DHX35: variants seen among roughly 807,000 people sequenced by gnomAD.
DHX35 encodes probable ATP-dependent RNA helicase DHX35.
In DHX35, 84 loss-of-function variants were observed where a neutral mutation model predicts 99.6. That is an observed-to-expected ratio of 0.84 (90% CI 0.71 to 1.01). DHX35 has a LOEUF of 1.01. Among genes scored for constraint, DHX35 ranks in the 50% least tolerant of loss-of-function variants. The pLI is 0.00. For missense variants in DHX35, 852 were observed against 888.5 expected (o/e 0.96, Z 0.52); for synonymous variants, 331 against 316.2 (o/e 1.05, Z -0.50).
At position 39,039,524 on chromosome 20, in the gene DHX35, C is replaced by T. The variant is rs2087212418; in HGVS notation, c.*981C>T. 1.3e-5 allele frequency: 2 copies of T among 152,264 alleles called. No individual in the cohort carries two copies. Among genetic ancestry groups the T allele is most frequent in the African/African-American group, 4.8e-5 (2 of 41,418 alleles). 9.4% of individuals were successfully genotyped at this position (152,264 alleles called of 1,614,324 possible). ...CATGCCAGATGCAGATTTTTTCCCC[C>T]TTACTGTTTCAATGACCTTTATTTT... On this transcript the variant is annotated 3_prime_UTR_variant, in exon 22 of 22. Transcript: ENST00000252011.
chr20:38,971,994 G>GTTTTTTTTT lies in DHX35; in HGVS notation c.175-561_175-560insTTTTTTTTT, dbSNP rs1568714388. ...ATGTCTATAATTTCTTGTTTTTTTT[G>GTTTTTTTTT]TTTTGTTTTGTTTTTTTTTTTTTTT... On this transcript the variant is annotated intron_variant, in intron 2 of 21. Transcript: ENST00000252011. Among the ~76,000 whole-genome samples the GTTTTTTTTT allele has an allele frequency of 2.7e-3, 300 of 112,034 alleles. 9 individuals are homozygous for GTTTTTTTTT. Among genetic ancestry groups the GTTTTTTTTT allele is most frequent in the Middle Eastern group, 5.2e-3 (1 of 192 alleles). The allele number at this position is 112,034 out of a possible 152,430, so 73.5% of individuals were successfully genotyped here. A position where few individuals can be genotyped will look rare whatever the true frequency, so the allele number is the denominator to read the frequency against.
intron 15 of DHX35, among the ~76,000 whole-genome samples, chr20:39,021,639 G>A (rs1016218445): frequency 6.6e-6 from 1 of 152,070 alleles, no homozygotes; most frequent in South Asian, 2.1e-4. Context: ...ATACCACCAT[G>A]CCTGGCTAAT....
chr20:38,995,127 A>T (rs1386537057), intron 8 of DHX35, among the ~76,000 whole-genome samples: 1 of 152,072 alleles, frequency 6.6e-6, no homozygotes, highest in African/African-American at 2.4e-5. Flanking sequence ...CTTTCTCCCC[A>T]CTTACACAGC....
chr20:39,018,463 C>T (rs2086821277), intron 14 of DHX35, among the ~76,000 whole-genome samples: 1 of 151,884 alleles, frequency 6.6e-6, no homozygotes, highest in East Asian at 1.9e-4. Context: ...GAAGAGTGGT[C>T]TCTTCGGAGT....
chr20:39,009,141 C>T (rs532990299), intron 12 of DHX35, among the ~76,000 whole-genome samples: 8 of 152,290 alleles, frequency 5.3e-5, no homozygotes, highest in Non-Finnish European at 8.8e-5. Flanking sequence ...AGCTTTTCAG[C>T]AGGGTGGTCC....
rs186618416 is a variant in DHX35, at chr20:39,010,781, A to G, written c.1347+377A>G. Among the ~76,000 whole-genome samples, 42 of 152,290 alleles carry G rather than the reference A, an allele frequency of 2.8e-4. 2 individuals are homozygous for G. The East Asian group carries it at 3.7e-3, about 13-fold the overall frequency. ...GGACAGCTAGTCTTTGTAGAGGCCT[A>G]GATGCAGGAGTACCATGATTGGGGG... On this transcript the variant is annotated intron_variant, in intron 13 of 21. Coordinates refer to ENST00000252011, the MANE Select transcript of DHX35 (RefSeq NM_021931.4).
At chr20:38,978,534 G>A in intron 3 of DHX35, 1 of 325,206 alleles carries the variant, frequency 3.1e-6, no homozygotes, top group South Asian at 4.1e-5. Context: ...ATTTTAAATT[G>A]GATTTTTAGT....
chr20:38,962,651 G>A, intron 1 of DHX35: 3 of 537,100 alleles, frequency 5.6e-6, no homozygotes, highest in Non-Finnish European at 9.9e-6. Flanking sequence ...GCCTCCTCAG[G>A]CCTCGTCTTC....
chr20:39,021,838 C>T lies in DHX35; in HGVS notation c.1499-3C>T. 6.2e-7 allele frequency: 1 copy of T among 1,613,990 alleles called. No individual in the cohort carries two copies. The highest frequency in any genetic ancestry group is 1.7e-5 in the Admixed American group (1 of 59,996). ...GAAACCAAACATGCTTTTTGTTTTA[C>T]AGGAAACTTCGGCTGTTCTCAGGAA... is the stretch of plus-strand genomic sequence containing the variant. On this transcript the variant is annotated splice_polypyrimidine_tract_variant and splice_region_variant and intron_variant, in intron 15 of 21. Transcript: ENST00000252011.
At chr20:38,993,680 C>CT (rs2086376613) in intron 7 of DHX35, among the ~76,000 whole-genome samples, 1 of 130,656 alleles carries the variant, frequency 7.7e-6, no homozygotes, top group African/African-American at 3.0e-5. Context: ...GGCTATTTTT[C>CT]TTTTCTTTTT....
chr20:38,965,110 AG>A (rs2085892264), intron 1 of DHX35, among the ~76,000 whole-genome samples: 1 of 152,216 alleles, frequency 6.6e-6, no homozygotes, highest in South Asian at 2.1e-4. Context: ...TGTTTTTTAA[AG>A]TCTCTAAGGA....
At chr20:39,012,209 A>G (rs2086713493) in intron 13 of DHX35, among the ~76,000 whole-genome samples, 1 of 152,154 alleles carries the variant, frequency 6.6e-6, no homozygotes, top group Non-Finnish European at 1.5e-5. Flanking sequence ...AGATTGTGCC[A>G]CTGCACTCCA....
At position 39,035,642 on chromosome 20, in the gene DHX35, C is replaced by T. The variant is rs542186037; in HGVS notation, c.2067+1325C>T. Among the ~76,000 whole-genome samples the T allele has an allele frequency of 1.7e-3, 252 of 152,264 alleles. 1 individual carries two copies. Among genetic ancestry groups the T allele is most frequent in the African/African-American group, 5.9e-3 (244 of 41,544 alleles). ...TGGCAACACTAGGCTTGCGTTCCTACGTGGTGGCATCACAGGGGCTTAGGG... is the reference window on the plus strand; with the variant it reads ...TGGCAACACTAGGCTTGCGTTCCTATGTGGTGGCATCACAGGGGCTTAGGG... On this transcript the variant is annotated intron_variant, in intron 21 of 21. Coordinates refer to ENST00000252011, the MANE Select transcript of DHX35 (RefSeq NM_021931.4).
In DHX35 at chr20:38,972,686, G is replaced by T. The variant is rs766918471; in HGVS notation, c.267+35G>T. The T allele has an allele frequency of 2.1e-6, 3 of 1,447,078 alleles. No homozygotes were observed. The Middle Eastern group carries it at 5.3e-4, about 254-fold the overall frequency. 89.6% of individuals were successfully genotyped at this position (1,447,078 alleles called of 1,614,324 possible). ...TATTTAATAAGTGTCTTTACACTTC[G>T]ATTTGGCTGGAAGAATTTTGTAACT... On this transcript the variant is annotated intron_variant, in intron 3 of 21. Transcript: ENST00000252011.
At chr20:39,024,082 T>G (rs2086914155) in intron 17 of DHX35, among the ~76,000 whole-genome samples, 1 of 152,196 alleles carries the variant, frequency 6.6e-6, no homozygotes, top group South Asian at 2.1e-4. Flanking sequence ...AAAGGCAACA[T>G]TTGAATAGGA....
At chr20:38,979,542 C>A (rs1457665669) in intron 3 of DHX35, among the ~76,000 whole-genome samples, 1 of 152,094 alleles carries the variant, frequency 6.6e-6, no homozygotes, top group Non-Finnish European at 1.5e-5. Flanking sequence ...ATTATTGGTC[C>A]AAATATCTGC....
chr20:39,032,551 G>T (rs979029586), intron 20 of DHX35, among the ~76,000 whole-genome samples: 1 of 152,194 alleles, frequency 6.6e-6, no homozygotes, highest in Non-Finnish European at 1.5e-5. Flanking sequence ...AAAGGGTGGG[G>T]TGTGTGTGAA....
At chr20:38,969,254 G>A (rs748793621) in intron 2 of DHX35, 40 bp downstream of exon 2, 34 of 1,578,172 alleles carry the variant, frequency 2.2e-5, no homozygotes, top group South Asian at 2.1e-4. Context: ...GGCTTGAATC[G>A]TGTGTCTGCA....
intron 3 of DHX35, chr20:38,977,796 C>A: frequency 2.0e-6 from 1 of 503,136 alleles, no homozygotes; most frequent in Non-Finnish European, 3.8e-6. Flanking sequence ...GGATTCTTGT[C>A]CTTTTGATCT....
Sources: allele counts gnomAD v4.1 joint callset (sites outside exome capture counted in the v4.1 genomes callset), GRCh38; gene constraint gnomAD v4.1.1; transcripts MANE v1.5; gene names NCBI Gene and HGNC (gene_info 2026-07-23, HGNC 2026-07-21).